Variants in CPNE4 observed in about 807,000 individuals in gnomAD.
The protein encoded by CPNE4 is copine-4.
A neutral mutation model predicts 67.9 loss-of-function variants in CPNE4; 25 were observed. The ratio of observed to expected loss-of-function variants is 0.37; its 90% confidence interval spans 0.27 to 0.51. The LOEUF (loss-of-function observed/expected upper bound fraction) is 0.51. Ranked by LOEUF, CPNE4 falls within the 20% of genes least tolerant of loss-of-function variation. The probability of loss-of-function intolerance (pLI) is 0.93; values close to 1 mark genes in which losing one functional copy is unlikely to be tolerated. For synonymous variants in CPNE4, 242 were observed against 244.9 expected (o/e 0.99, Z 0.11); for missense variants, 464 against 690.8 (o/e 0.67, Z 3.68).
intron 6 of CPNE4, among the ~76,000 whole-genome samples, chr3:131,676,298 A>G (rs987719540): frequency 3.9e-5 from 6 of 151,996 alleles, no homozygotes; most frequent in South Asian, 4.2e-4. Flanking sequence ...GTCTCAAGTG[A>G]TCTGCCTGCT....
intron 1 of CPNE4, among the ~76,000 whole-genome samples, chr3:131,975,303 T>C (rs922298411): frequency 6.6e-6 from 1 of 152,124 alleles, no homozygotes; most frequent in Non-Finnish European, 1.5e-5. Flanking sequence ...CCAGGCAATA[T>C]AGGACAGAAG....
rs1296392653 is a variant in CPNE4 at position 131,907,422 on chromosome 3, CT to C, written c.-1-1979del. Among the ~76,000 whole-genome samples the C allele has an allele frequency of 2.6e-5, 4 of 152,184 alleles. No homozygotes were observed. The East Asian group carries it at 7.7e-4, about 29-fold the overall frequency. Reference sequence around the variant, plus strand: ...AGTGAGCTTCCCCTTGGTACCAGCACTACACCAGGTTTAACTGAGTACAGCA... The same window carrying C: ...AGTGAGCTTCCCCTTGGTACCAGCACACACCAGGTTTAACTGAGTACAGCA... On this transcript the variant is annotated intron_variant, in intron 1 of 15. Transcript: ENST00000429747.
chr3:131,985,621 C>A lies in CPNE4; in HGVS notation c.-2+48946G>T, dbSNP rs77662454. 3.3e-3 allele frequency among the ~76,000 whole-genome samples: 509 copies of A among 152,214 alleles called. 11 individuals are homozygous for A. The South Asian group carries it at 0.052, about 16-fold the overall frequency. On this transcript the variant is annotated intron_variant, in intron 1 of 15. Transcript: ENST00000429747. ...TTTTAAACACTGAGAATCATAAGTTCTTTTTCAGTGCTGCCCCACAGGTTT... is the reference window on the plus strand; with the variant it reads ...TTTTAAACACTGAGAATCATAAGTTATTTTTCAGTGCTGCCCCACAGGTTT...
intron 2 of CPNE4, among the ~76,000 whole-genome samples, chr3:131,900,793 T>A (rs1236366600): frequency 1.3e-5 from 2 of 152,112 alleles, no homozygotes; most frequent in African/African-American, 4.8e-5. Flanking sequence ...AGTCCACTGA[T>A]AATTGATGTG....
chr3:131,704,239 C>T (rs2081368369), intron 3 of CPNE4, among the ~76,000 whole-genome samples: 1 of 152,172 alleles, frequency 6.6e-6, no homozygotes, highest in Non-Finnish European at 1.5e-5. Context: ...CTTCCAACAG[C>T]CAATTCAGGC....
chr3:131,886,324 T>G (rs2087892422), intron 2 of CPNE4, among the ~76,000 whole-genome samples: 1 of 152,050 alleles, frequency 6.6e-6, no homozygotes, highest in South Asian at 2.1e-4. Context: ...TACACAGAAG[T>G]CAAGAAATGA....
chr3:131,866,374 A>C (rs1009288064), intron 2 of CPNE4, among the ~76,000 whole-genome samples: 1 of 152,196 alleles, frequency 6.6e-6, no homozygotes, highest in Non-Finnish European at 1.5e-5. Flanking sequence ...GGCCTTTTTC[A>C]TGGTTGAAAA....
chr3:131,675,031 A>T (rs2080522270), intron 6 of CPNE4, among the ~76,000 whole-genome samples: 1 of 152,038 alleles, frequency 6.6e-6, no homozygotes, highest in African/African-American at 2.4e-5. Context: ...TTGTTTTAAG[A>T]AATGTTTACA....
rs560148005 is a variant in CPNE4, at chr3:131,920,377, A to T, written c.-1-14933T>A. On this transcript the variant is annotated intron_variant, in intron 1 of 15. Transcript: ENST00000429747. Reference sequence around the variant, plus strand: ...CCCTTACCTTTGTTAGTCACTCCTTAATTTGTGTTCCTACAGTTCTGGTTT... The same window carrying T: ...CCCTTACCTTTGTTAGTCACTCCTTTATTTGTGTTCCTACAGTTCTGGTTT... 1.7e-4 allele frequency among the ~76,000 whole-genome samples: 26 copies of T among 152,216 alleles called. No homozygotes were observed. The East Asian group carries it at 3.9e-3, about 23-fold the overall frequency.
intron 1 of CPNE4, among the ~76,000 whole-genome samples, chr3:131,921,946 T>C (rs539719396): frequency 2.6e-5 from 4 of 152,278 alleles, no homozygotes; most frequent in Non-Finnish European, 4.4e-5. Flanking sequence ...ACTTTTATTT[T>C]AGATTCAGGG....
At chr3:131,857,892 A>G (rs924213719) in intron 2 of CPNE4, among the ~76,000 whole-genome samples, 1 of 152,036 alleles carries the variant, frequency 6.6e-6, no homozygotes, top group African/African-American at 2.4e-5. Context: ...GTGCTTAAAA[A>G]AATAAAAGAA....
At chr3:131,565,982 A>G (rs1937037219) in intron 10 of CPNE4, among the ~76,000 whole-genome samples, 1 of 151,960 alleles carries the variant, frequency 6.6e-6, no homozygotes, top group South Asian at 2.1e-4. Context: ...CTTCATTTAT[A>G]TGCATGATAT....
At chr3:131,557,774 C>T (rs371452072) in intron 11 of CPNE4, among the ~76,000 whole-genome samples, 1 of 152,000 alleles carries the variant, frequency 6.6e-6, no homozygotes, top group Admixed American at 6.6e-5. Context: ...AGCAATTCCT[C>T]CTTAAACAAA....
At chr3:131,966,267 G>A (rs2072341210) in intron 1 of CPNE4, among the ~76,000 whole-genome samples, 1 of 152,214 alleles carries the variant, frequency 6.6e-6, no homozygotes, top group Admixed American at 6.5e-5. Context: ...ACATCAGAAA[G>A]TAGGAGAGAT....
At chr3:131,838,810 C>T (rs963427427) in intron 2 of CPNE4, among the ~76,000 whole-genome samples, 37 of 151,112 alleles carry the variant, frequency 2.4e-4, no homozygotes, top group Non-Finnish European at 2.1e-4. Flanking sequence ...TATGTATATT[C>T]GTATACATGA....
intron 2 of CPNE4, among the ~76,000 whole-genome samples, chr3:131,863,389 A>G (rs1227102333): frequency 6.6e-6 from 1 of 152,140 alleles, no homozygotes; most frequent in African/African-American, 2.4e-5. Flanking sequence ...TGACTTTTTA[A>G]TGATCGCCAT....
intron 1 of CPNE4, among the ~76,000 whole-genome samples, chr3:131,999,241 T>TAAGAAAAAAAAAAAA (rs2073367728): frequency 1.0e-5 from 1 of 98,834 alleles, no homozygotes; most frequent in African/African-American, 5.4e-5. Context: ...TTATCCAAGG[T>TAAGAAAAAAAAAAAA]AAAAAAAAAA....
intron 6 of CPNE4, among the ~76,000 whole-genome samples, chr3:131,670,216 T>C (rs988290579): frequency 6.6e-6 from 1 of 152,100 alleles, no homozygotes; most frequent in South Asian, 2.1e-4. Context: ...TGCTAAATAA[T>C]TGGATGGTCT....
At chr3:132,023,762 CA>C (rs1319188390) in intron 1 of CPNE4, among the ~76,000 whole-genome samples, 2 of 152,152 alleles carry the variant, frequency 1.3e-5, no homozygotes, top group Admixed American at 1.3e-4. Flanking sequence ...GCTGGGATTA[CA>C]GGCGTGAGCC....
Sources: allele counts gnomAD v4.1 joint callset (sites outside exome capture counted in the v4.1 genomes callset), GRCh38; gene constraint gnomAD v4.1.1; transcripts MANE v1.5; gene names NCBI Gene and HGNC (gene_info 2026-07-23, HGNC 2026-07-21).